CD101: variants seen among roughly 807,000 people sequenced by gnomAD.
CD101 encodes immunoglobulin superfamily member 2.
In CD101, 76 loss-of-function variants were observed where a neutral mutation model predicts 98.2. The ratio of observed to expected loss-of-function variants is 0.77; its 90% CI spans 0.64 to 0.94. The LOEUF is 0.94. CD101 is among the 40% of genes least tolerant of loss of function. The pLI is 0.00. For missense variants in CD101, 1,145 were observed against 1,218.8 expected (o/e 0.94, Z 0.90); for synonymous variants, 471 against 472.7 (o/e 1.00, Z 0.05).
Position 117,022,915 on chromosome 1 carries a change from T to C in CD101, c.2428+932T>C, listed in dbSNP as rs2101140162. On this transcript the variant is annotated intron_variant, in intron 7 of 9. Coordinates refer to ENST00000682167, the MANE Select transcript of CD101 (RefSeq NM_001256106.3). The surrounding 1 kb of genome is among the most constrained non-coding windows in gnomAD (Gnocchi z 4.8). ...TCTGTATGTTCTTCAAGCCCCTTCT[T>C]CTCCCTGCTAAATGTGTGTGTTCCT... Among the ~76,000 whole-genome samples the C allele has an allele frequency of 6.6e-6, 1 of 152,248 alleles. No homozygotes were observed. Among genetic ancestry groups the C allele is most frequent in the East Asian group, 1.9e-4 (1 of 5,182 alleles).
chr1:117,012,117 G>T lies in CD101; in HGVS notation c.841+151G>T. On this transcript the variant is annotated intron_variant, in intron 3 of 9. Coordinates refer to ENST00000682167, the MANE Select transcript of CD101 (RefSeq NM_001256106.3). The surrounding 1 kb of genome is among the most constrained non-coding windows in gnomAD (Gnocchi z 4.0). The stretch of plus-strand genomic sequence containing the variant: ...ATTTTGTATTTTTGTCATCTGAGAA[G>T]CATAACTAAGAGGGAGCACATTCAG... The T allele has an allele frequency of 1.3e-6, 1 of 743,958 alleles. No individual in the cohort carries two copies. The highest frequency in any genetic ancestry group is 2.2e-6 in the Non-Finnish European group (1 of 458,614). 46.1% of individuals were successfully genotyped at this position (743,958 alleles called of 1,614,324 possible).
In CD101 at chr1:117,033,850, T is replaced by G; in HGVS notation, c.2825-10T>G. On this transcript the variant is annotated splice_polypyrimidine_tract_variant and intron_variant, in intron 8 of 9. Coordinates refer to ENST00000682167, the MANE Select transcript of CD101 (RefSeq NM_001256106.3). This position sits in a 1 kb window ranked among gnomAD's most constrained non-coding sequence, Gnocchi z 4.8. ...GATGAATTACTCTCTTGTTTCTCCCTTCGTTGCAGAGCCCACGCTTCCTTC... is the reference window on the plus strand; with the variant it reads ...GATGAATTACTCTCTTGTTTCTCCCGTCGTTGCAGAGCCCACGCTTCCTTC... 1.9e-6 allele frequency: 3 copies of G among 1,614,036 alleles called. No homozygotes were observed. The highest frequency in any genetic ancestry group is 2.5e-6 in the Non-Finnish European group (3 of 1,179,914).
intron 8 of CD101, 26 bp downstream of exon 8, chr1:117,025,930 G>C: frequency 6.3e-7 from 1 of 1,580,818 alleles, no homozygotes; most frequent in Non-Finnish European, 8.6e-7. Context: ...TCTACCGCGA[G>C]CTCATGGTCA....
At position 117,022,064 on chromosome 1, in the gene CD101, T is replaced by C. The variant is rs897625508; in HGVS notation, c.2428+81T>C. On this transcript the variant is annotated intron_variant, in intron 7 of 9. Transcript: ENST00000682167. This position sits in a 1 kb window ranked among gnomAD's most constrained non-coding sequence, Gnocchi z 4.8. ...TTGGGCAGCTGTTCTATGGAGTGAT[T>C]ATGTGGAAGTAAAAATATGACCTAA... 2 of 1,438,068 alleles carry C rather than the reference T, an allele frequency of 1.4e-6. No individual in the cohort carries two copies. The highest frequency in any genetic ancestry group is 1.9e-6 in the Non-Finnish European group (2 of 1,061,660). 89.1% of individuals were successfully genotyped at this position (1,438,068 alleles called of 1,614,324 possible). A position where few individuals can be genotyped will look rare whatever the true frequency, so the allele number is the denominator to read the frequency against.
chr1:117,002,431 G>A (rs932424922), intron 1 of CD101, among the ~76,000 whole-genome samples: 3 of 152,230 alleles, frequency 2.0e-5, no homozygotes, highest in Admixed American at 2.0e-4. Context: ...AGAGGGGCTT[G>A]CCTGATCTAG....
rs1271584289 is a variant in CD101 at position 117,019,259 on chromosome 1, C to A, written c.2017+699C>A. On this transcript the variant is annotated intron_variant, in intron 6 of 9. Transcript: ENST00000682167. This position sits in a 1 kb window ranked among gnomAD's most constrained non-coding sequence, Gnocchi z 4.3. ...GGATGAGACACTTAATCTGCTGAAG[C>A]CTTAGTTACCTGATCTGTAAATTGT... is the stretch of plus-strand genomic sequence containing the variant. 6.6e-6 allele frequency among the ~76,000 whole-genome samples: 1 copy of A among 152,134 alleles called. No individual in the cohort carries two copies. Among genetic ancestry groups the A allele is most frequent in the African/African-American group, 2.4e-5 (1 of 41,434 alleles).
In CD101 at chr1:117,018,494, T is replaced by G. The variant is rs34882009; in HGVS notation, c.1951T>G (p.Tyr651Asp). ...AGAAGTTTATGACAGAAATTCCCTATACAACAACCGCCCCCCGAGGGCTTC... is the reference window on the plus strand; with the variant it reads ...AGAAGTTTATGACAGAAATTCCCTAGACAACAACCGCCCCCCGAGGGCTTC... ...EVEVYDRNSL[Y>D]NNRPPRASAI... The change falls in exon 6 of 10, where the codon TAC (tyrosine) becomes GAC (aspartate). Residue 651 changes from tyrosine to aspartate, a missense_variant. Transcript: ENST00000682167. The surrounding 1 kb of genome is among the most constrained non-coding windows in gnomAD (Gnocchi z 4.3). The G allele has an allele frequency of 3.0e-3, 4,778 of 1,613,908 alleles. 129 individuals carry two copies. The African/African-American group carries it at 0.058, about 19-fold the overall frequency.
In CD101 at chr1:117,017,151, C is replaced by T. The variant is rs370515018; in HGVS notation, c.1290C>T (p.Leu430=). Residue 430 remains leucine, a synonymous_variant, in exon 5 of 10, where the codon CTC becomes CTT. Transcript: ENST00000682167. ...KQQVVWEGET[L]AFLCKAGGAE... is the part of the protein sequence containing the mutation. ...AAGTTGTGTGGGAAGGAGAGACACT[C>T]GCCTTTCTCTGTAAGGCTGGTGGAG... 3.1e-5 allele frequency: 50 copies of T among 1,614,158 alleles called. No homozygotes were observed. The African/African-American group carries it at 6.0e-4, about 19-fold the overall frequency.
intron 8 of CD101, among the ~76,000 whole-genome samples, chr1:117,028,167 G>C (rs1654088730): frequency 1.3e-5 from 2 of 152,160 alleles, no homozygotes; most frequent in Admixed American, 1.3e-4. Flanking sequence ...GGTAGTATAT[G>C]AAATTGTGGA....
Position 117,013,762 on chromosome 1 carries a change from G to C in CD101, c.1198G>C (p.Asp400His), listed in dbSNP as rs147897391. 4 of 1,612,904 alleles carry C rather than the reference G, an allele frequency of 2.5e-6. No homozygotes were observed. The highest frequency in any genetic ancestry group is 1.7e-5 in the Admixed American group (1 of 59,932). Reference sequence around the variant, plus strand: ...GGTGCTTCAGAGAAAGCAGTCACCAGACAGCCACGTGCACCTGAGGAAGCC... The same window carrying C: ...GGTGCTTCAGAGAAAGCAGTCACCACACAGCCACGTGCACCTGAGGAAGCC... ...WQVLQRKQSPDSHVHLRKPAA... is the reference protein window; with the variant it reads ...WQVLQRKQSPHSHVHLRKPAA... The change falls in exon 4 of 10, where the codon GAC becomes CAC. Residue 400 changes from aspartate to histidine, a missense_variant. Physicochemically the swap from Asp to His is moderately conservative, Grantham distance 81. Coordinates refer to ENST00000682167, the MANE Select transcript of CD101 (RefSeq NM_001256106.3).
At chr1:117,026,077 T>C in intron 8 of CD101, 173 bp downstream of exon 8, 2 of 635,160 alleles carry the variant, frequency 3.1e-6, no homozygotes, top group South Asian at 4.8e-5. Flanking sequence ...TAGTAACTCA[T>C]TTGAACAAAC....
chr1:117,011,668 T>G lies in CD101; in HGVS notation c.543T>G (p.Ser181=). The G allele has an allele frequency of 3.1e-6, 5 of 1,614,196 alleles. No homozygotes were observed. The highest frequency in any genetic ancestry group is 4.2e-6 in the Non-Finnish European group (5 of 1,180,024). ...CCACAGCCCAACATACTCACCTCTC[T>G]GTCACCTGGTACCTAACACAGGATG... is the stretch of plus-strand genomic sequence containing the variant. The part of the protein sequence containing the change: ...SKATAQHTHL[S]VTWYLTQDGG... The change falls in exon 3 of 10, where the codon TCT becomes TCG. Residue 181 remains serine, a synonymous_variant. Transcript: ENST00000682167.
intron 1 of CD101, among the ~76,000 whole-genome samples, chr1:117,009,105 T>G (rs1037231187): frequency 6.6e-6 from 1 of 152,264 alleles, no homozygotes; most frequent in African/African-American, 2.4e-5. Context: ...TACTTCAGAT[T>G]TGTTCTAATA....
chr1:117,022,623 A>C lies in CD101; in HGVS notation c.2428+640A>C, dbSNP rs1653655579. Among the ~76,000 whole-genome samples, 1 of 152,198 alleles carries C rather than the reference A, an allele frequency of 6.6e-6. No individual in the cohort carries two copies. Among genetic ancestry groups the C allele is most frequent in the Admixed American group, 6.5e-5 (1 of 15,278 alleles). ...CACTTCCAGTGTTGATTAAAATTAAATGAATGTCACAGCCAAGGTTCAGGA... is the reference window on the plus strand; with the variant it reads ...CACTTCCAGTGTTGATTAAAATTAACTGAATGTCACAGCCAAGGTTCAGGA... On this transcript the variant is annotated intron_variant, in intron 7 of 9. Coordinates refer to ENST00000682167, the MANE Select transcript of CD101 (RefSeq NM_001256106.3). This position sits in a 1 kb window ranked among gnomAD's most constrained non-coding sequence, Gnocchi z 4.8.
intron 9 of CD101, among the ~76,000 whole-genome samples, chr1:117,034,435 G>A (rs966136980): frequency 6.6e-6 from 1 of 152,166 alleles, no homozygotes; most frequent in African/African-American, 2.4e-5. Context: ...CTACAGCAAT[G>A]CCCTGGTGGG....
rs1437500974 is a variant in CD101 at position 117,019,109 on chromosome 1, T to G, written c.2017+549T>G. Among the ~76,000 whole-genome samples, 1 of 152,224 alleles carries G rather than the reference T, an allele frequency of 6.6e-6. No homozygotes were observed. Among genetic ancestry groups the G allele is most frequent in the African/African-American group, 2.4e-5 (1 of 41,466 alleles). On this transcript the variant is annotated intron_variant, in intron 6 of 9. Coordinates refer to ENST00000682167, the MANE Select transcript of CD101 (RefSeq NM_001256106.3). This position sits in a 1 kb window ranked among gnomAD's most constrained non-coding sequence, Gnocchi z 4.3. ...AGCATAGGAGTTAAAAGTGAGATACTACCTAGGCAAAGTTCTGCTGTGTCA... is the reference window on the plus strand; with the variant it reads ...AGCATAGGAGTTAAAAGTGAGATACGACCTAGGCAAAGTTCTGCTGTGTCA...
rs1159523999 is a variant in CD101, at chr1:117,017,369, TCACAGACAGTGG to T, written c.1513_1524del (p.Asp505_Thr508del). On this transcript the variant is annotated inframe_deletion, in exon 5 of 10. Coordinates refer to ENST00000682167, the MANE Select transcript of CD101 (RefSeq NM_001256106.3). ...CAGCTGGAGATCACCTTCACTGCCATCACAGACAGTGGCACATATGAGTGCAGAGTATCTGAG... is the reference window on the plus strand; with the variant it reads ...CAGCTGGAGATCACCTTCACTGCCATCACATATGAGTGCAGAGTATCTGAG... 13 of 1,614,194 alleles carry T rather than the reference TCACAGACAGTGG, an allele frequency of 8.1e-6. No individual in the cohort carries two copies. The highest frequency in any genetic ancestry group is 1.0e-5 in the Non-Finnish European group (12 of 1,180,012).
chr1:117,026,890 A>G (rs1653969723), intron 8 of CD101: 1 of 152,152 alleles, frequency 6.6e-6, no homozygotes, highest in Non-Finnish European at 1.5e-5. Flanking sequence ...AGGATTTCCA[A>G]GGAAATCCCT....
rs1476423294 is a variant in CD101, at chr1:117,023,608, G to GTTTA, written c.2428+1625_2428+1626insTTTA. ...ATTTTTGTAATTTTAGTAGAGACAG[G>GTTTA]GTTTTACCATGTTGCTCAGGCTGGT... On this transcript the variant is annotated intron_variant, in intron 7 of 9. Coordinates refer to ENST00000682167, the MANE Select transcript of CD101 (RefSeq NM_001256106.3). This position sits in a 1 kb window ranked among gnomAD's most constrained non-coding sequence, Gnocchi z 4.4. 1.3e-5 allele frequency among the ~76,000 whole-genome samples: 2 copies of GTTTA among 151,912 alleles called. No homozygotes were observed. The highest frequency in any genetic ancestry group is 6.6e-5 in the Admixed American group (1 of 15,244).
Sources: allele counts gnomAD v4.1 joint callset (sites outside exome capture counted in the v4.1 genomes callset), GRCh38; gene constraint gnomAD v4.1.1; non-coding constraint Gnocchi (gnomAD v3.1); transcripts MANE v1.5; gene names NCBI Gene and HGNC (gene_info 2026-07-23, HGNC 2026-07-21).